ARFGEF1: variants seen among roughly 807,000 people sequenced by gnomAD.
The protein encoded by ARFGEF1 is brefeldin A-inhibited guanine nucleotide-exchange protein 1.
In ARFGEF1, 42 loss-of-function variants were observed where a neutral mutation model predicts 231.0. The observed-to-expected ratio is 0.18, with a 90% CI of 0.14 to 0.24. The LOEUF is 0.24. Ranked by LOEUF, ARFGEF1 falls within the 10% of genes least tolerant of loss-of-function variation. The pLI is 1.00. For missense variants in ARFGEF1, 1,345 were observed against 2,192.0 expected, an observed-to-expected ratio of 0.61 and a Z score of 7.72; for synonymous variants, 710 against 732.3, an observed-to-expected ratio of 0.97 and a Z score of 0.49.
At chr8:67,271,630 T>C (rs1805105250) in intron 10 of ARFGEF1, 72 bp downstream of exon 10, 2 of 1,085,460 alleles carry the variant, frequency 1.8e-6, no homozygotes, top group African/African-American at 1.6e-5. Flanking sequence ...CTTTGCAGTG[T>C]ATTCAAATAT....
At chr8:67,319,579 T>C (rs1350776480) in intron 1 of ARFGEF1, among the ~76,000 whole-genome samples, 1 of 150,676 alleles carries the variant, frequency 6.6e-6, no homozygotes, top group African/African-American at 2.4e-5. Context: ...CAGATCTAAA[T>C]GTTAGAACAA....
In ARFGEF1 at chr8:67,259,854, A is replaced by G; in HGVS notation, c.2196T>C (p.Asp732=). Residue 732 remains aspartate (D), a synonymous_variant, in exon 15 of 39, where the codon GAT becomes GAC. Coordinates refer to ENST00000262215, the MANE Select transcript of ARFGEF1 (RefSeq NM_006421.5). The part of the protein sequence containing the change: ...EQGMLGTTPE[D]IAQFLHQEER... The stretch of plus-strand genomic sequence containing the variant: ...CCTCTTGATGTAAGAATTGGGCAAT[A>G]TCTTCAGGTGTGGTGCCAAGCATCC... 1.2e-6 allele frequency: 2 copies of G among 1,612,772 alleles called. No homozygotes were observed. The highest frequency in any genetic ancestry group is 1.7e-6 in the Non-Finnish European group (2 of 1,179,236).
At chr8:67,207,192 T>C (rs1838553653) in intron 34 of ARFGEF1, 1 of 152,112 alleles carries the variant, frequency 6.6e-6, no homozygotes. Context: ...CACTCCCTCA[T>C]TCAAGTCAGA....
At chr8:67,256,034 T>G (rs2128887993) in intron 17 of ARFGEF1, among the ~76,000 whole-genome samples, 3 of 152,378 alleles carry the variant, frequency 2.0e-5, no homozygotes, top group Admixed American at 2.0e-4. Flanking sequence ...CCAAATGTCT[T>G]TTAAAGCATA....
At chr8:67,192,600 T>C (rs970892897) in intron 5 of ARFGEF1, among the ~76,000 whole-genome samples, 1 of 152,112 alleles carries the variant, frequency 6.6e-6, no homozygotes, top group Non-Finnish European at 1.5e-5. Context: ...TAAGAAACCA[T>C]TGCCAACCAC....
At chr8:67,336,713 C>G (rs1407350178) in intron 1 of ARFGEF1, among the ~76,000 whole-genome samples, 2 of 152,150 alleles carry the variant, frequency 1.3e-5, no homozygotes, top group African/African-American at 2.4e-5. Flanking sequence ...CCTAAAGGCT[C>G]TAAGTTGAGG....
At chr8:67,278,002 C>A (rs542189791) in intron 7 of ARFGEF1, among the ~76,000 whole-genome samples, 1 of 152,156 alleles carries the variant, frequency 6.6e-6, no homozygotes, top group South Asian at 2.1e-4. Flanking sequence ...TGGAACACAG[C>A]CAGGGAAATA....
chr8:67,319,922 A>G (rs1481891046), intron 1 of ARFGEF1, among the ~76,000 whole-genome samples: 1 of 152,140 alleles, frequency 6.6e-6, no homozygotes, highest in Admixed American at 6.5e-5. Context: ...GCAAATAAAC[A>G]TAAAAAAAGA....
chr8:67,224,809 G>A, intron 29 of ARFGEF1, 94 bp downstream of exon 29: 1 of 783,882 alleles, frequency 1.3e-6, no homozygotes. Flanking sequence ...TTGATTTTAT[G>A]GTCTTTAACT....
chr8:67,177,671 T>G (rs1832018109), intron 5 of ARFGEF1: 1 of 1,601,290 alleles, frequency 6.2e-7, no homozygotes, highest in African/African-American at 1.3e-5. Flanking sequence ...TGTTCTCCAT[T>G]GACTACAGTT....
At chr8:67,181,416 C>T (rs1355440323) in intron 5 of ARFGEF1, among the ~76,000 whole-genome samples, 3 of 148,020 alleles carry the variant, frequency 2.0e-5, no homozygotes, top group Non-Finnish European at 4.4e-5. Flanking sequence ...AAAGATAAAA[C>T]CAGCAGGAGA....
chr8:67,277,577 T>C (rs118004396), intron 7 of ARFGEF1, 120 bp from the exon 8 acceptor site: 35 of 838,990 alleles, frequency 4.2e-5, no homozygotes, highest in Admixed American at 1.4e-4. Flanking sequence ...AAAATATGTA[T>C]TGGCACCATT....
chr8:67,258,855 C>CA (rs1395865906), intron 15 of ARFGEF1, among the ~76,000 whole-genome samples: 1 of 122,304 alleles, frequency 8.2e-6, no homozygotes, highest in Non-Finnish European at 1.6e-5. Flanking sequence ...ACACACACAC[C>CA]AGTCATCACT....
intron 17 of ARFGEF1, among the ~76,000 whole-genome samples, chr8:67,254,498 A>G (rs1297157902): frequency 2.0e-5 from 3 of 152,188 alleles, no homozygotes; most frequent in Non-Finnish European, 4.4e-5. Flanking sequence ...ACATGAAAGT[A>G]CACAGAAAAA....
chr8:67,319,068 T>A (rs371119670), intron 1 of ARFGEF1, among the ~76,000 whole-genome samples: 41 of 152,214 alleles, frequency 2.7e-4, no homozygotes, highest in African/African-American at 9.1e-4. Flanking sequence ...CTGAAAGAAA[T>A]GCTGATAAAA....
intron 1 of ARFGEF1, among the ~76,000 whole-genome samples, chr8:67,309,157 A>G (rs891903451): frequency 2.0e-5 from 3 of 152,222 alleles, no homozygotes; most frequent in South Asian, 4.1e-4. Flanking sequence ...CTAAGTGAAA[A>G]AAGTCAGGCA....
chr8:67,177,687 A>C, intron 5 of ARFGEF1: 1 of 1,609,954 alleles, frequency 6.2e-7, no homozygotes, highest in Non-Finnish European at 8.5e-7. Context: ...CAGTTGACTT[A>C]GATGCCATCC....
In ARFGEF1 at chr8:67,216,631, T is replaced by A; in HGVS notation, c.4645A>T (p.Thr1549Ser). The A allele has an allele frequency of 6.2e-7, 1 of 1,609,248 alleles. No individual in the cohort carries two copies. The highest frequency in any genetic ancestry group is 2.2e-5 in the East Asian group (1 of 44,450). Residue 1549 changes from threonine (T) to serine (S), a missense_variant, in exon 33 of 39, where the codon ACT becomes TCT. Physicochemically the swap from Thr to Ser is moderately conservative, Grantham distance 58 (BLOSUM62 1). This residue lies in a region of ARFGEF1 where 89 missense variants were observed against 74.8 expected (regional missense o/e 1.19). Coordinates refer to ENST00000262215, the MANE Select transcript of ARFGEF1 (RefSeq NM_006421.5). ...LLTWRPNSGE[T>S]APPPPSPVSE... is the part of the protein sequence containing the mutation. Reference sequence around the variant, plus strand: ...ACAGGAGATGGAGGTGGGGGGGCAGTTTCTCCAGAATTGGGTCGCCAGGTC... The same window carrying A: ...ACAGGAGATGGAGGTGGGGGGGCAGATTCTCCAGAATTGGGTCGCCAGGTC...
intron 1 of ARFGEF1, 59 bp downstream of exon 1, chr8:67,343,105 G>GGCCC: frequency 2.1e-6 from 1 of 483,914 alleles, no homozygotes; most frequent in Non-Finnish European, 3.2e-6. Flanking sequence ...CCCCCCACAG[G>GGCCC]CGCCCCCCTC....
Sources: allele counts gnomAD v4.1 joint callset (sites outside exome capture counted in the v4.1 genomes callset), GRCh38; gene constraint gnomAD v4.1.1; regional missense constraint gnomAD v4.1.1; transcripts MANE v1.5; gene names NCBI Gene and HGNC (gene_info 2026-07-23, HGNC 2026-07-21).